The following EFCAB13 variants were observed in gnomAD, a reference collection of about 807,000 sequenced individuals.
EFCAB13 encodes EF-hand calcium-binding domain-containing protein 13.
In EFCAB13, 91 loss-of-function variants were observed where a neutral mutation model predicts 110.2. The observed-to-expected ratio is 0.83, with a 90% CI of 0.70 to 0.98. The LOEUF is 0.98. EFCAB13 is among the 50% of genes least tolerant of loss of function. The pLI is 0.00. For missense variants in EFCAB13, 968 were observed against 1,119.4 expected (o/e 0.86, Z 1.93); for synonymous variants, 323 against 369.9 (o/e 0.87, Z 1.45).
At chr17:47,341,868 A>G in intron 5 of EFCAB13, 53 bp from the exon 6 acceptor site, 1 of 1,079,098 alleles carries the variant, frequency 9.3e-7, no homozygotes, top group Non-Finnish European at 1.4e-6. Flanking sequence ...TAAAAGTTGA[A>G]AAGAATAAGT....
chr17:47,401,801 C>T (rs931825699), intron 17 of EFCAB13, among the ~76,000 whole-genome samples: 4 of 151,988 alleles, frequency 2.6e-5, no homozygotes, highest in Admixed American at 6.6e-5. Context: ...CATGCCACCA[C>T]ACCCGGCTAA....
intron 20 of EFCAB13, among the ~76,000 whole-genome samples, chr17:47,407,047 A>G (rs2065808677): frequency 6.6e-6 from 1 of 151,930 alleles, no homozygotes; most frequent in African/African-American, 2.4e-5. Flanking sequence ...TAAACATAAG[A>G]GGCTGTGATG....
intron 17 of EFCAB13, among the ~76,000 whole-genome samples, chr17:47,401,860 G>GGTCTT (rs1464388781): frequency 3.3e-5 from 5 of 151,720 alleles, no homozygotes; most frequent in African/African-American, 1.2e-4. Flanking sequence ...TGGTCAGGAT[G>GGTCTT]GTCTTGAACT....
chr17:47,373,845 G>A (rs2136752), intron 11 of EFCAB13, among the ~76,000 whole-genome samples: 9,953 of 152,024 alleles, frequency 0.065, 382 homozygotes, highest in East Asian at 0.17. Flanking sequence ...TTGCTGCTGC[G>A]TGACAGTCTC....
chr17:47,396,346 G>C (rs1214386714), intron 17 of EFCAB13, among the ~76,000 whole-genome samples: 1 of 151,744 alleles, frequency 6.6e-6, no homozygotes, highest in Admixed American at 6.6e-5. Flanking sequence ...CTGTTTTGTT[G>C]AAATAGGCTT....
intron 16 of EFCAB13, among the ~76,000 whole-genome samples, chr17:47,394,861 CAG>C (rs112106531): frequency 0.023 from 3,441 of 152,212 alleles, 106 homozygotes; most frequent in East Asian, 0.18. Flanking sequence ...TTTATTAGCA[CAG>C]AGTTATATAG....
At chr17:47,362,442 C>T (rs532060194) in intron 10 of EFCAB13, among the ~76,000 whole-genome samples, 27 of 152,216 alleles carry the variant, frequency 1.8e-4, no homozygotes, top group Non-Finnish European at 2.5e-4. Flanking sequence ...CGTGGTCTAG[C>T]GGTAGCGTCA....
intron 23 of EFCAB13, among the ~76,000 whole-genome samples, chr17:47,415,627 A>G (rs961297525): frequency 2.6e-5 from 4 of 152,178 alleles, no homozygotes; most frequent in African/African-American, 9.6e-5. Context: ...GGATCTATGA[A>G]TTAAATCATG....
chr17:47,394,540 T>A (rs1167910125), intron 16 of EFCAB13, among the ~76,000 whole-genome samples: 2 of 152,202 alleles, frequency 1.3e-5, no homozygotes, highest in Non-Finnish European at 2.9e-5. Flanking sequence ...AGGCTTTATG[T>A]TAAGCTGTAA....
intron 14 of EFCAB13, among the ~76,000 whole-genome samples, chr17:47,384,814 A>T (rs564858548): frequency 1.9e-4 from 29 of 151,404 alleles, no homozygotes; most frequent in African/African-American, 6.3e-4. Flanking sequence ...TCTGTTGCCC[A>T]GGCTGGAGTG....
chr17:47,335,138 A>G, intron 4 of EFCAB13, 58 bp from the exon 5 acceptor site: 2 of 1,447,716 alleles, frequency 1.4e-6, no homozygotes, highest in South Asian at 1.5e-5. Context: ...CCAGAATGTC[A>G]TATTTAATAT....
chr17:47,338,825 T>TCCC (rs2065367110), intron 5 of EFCAB13, among the ~76,000 whole-genome samples: 1 of 151,874 alleles, frequency 6.6e-6, no homozygotes, highest in East Asian at 1.9e-4. Flanking sequence ...GGGTATGAAT[T>TCCC]TGGGAGATTG....
chr17:47,344,087 A>G, intron 6 of EFCAB13, 75 bp from the exon 7 acceptor site: 1 of 1,469,612 alleles, frequency 6.8e-7, no homozygotes, highest in Non-Finnish European at 9.1e-7. Flanking sequence ...ATCTTTTAAG[A>G]GTTGTATCAT....
At chr17:47,325,964 C>CAT (rs1464102508) in intron 2 of EFCAB13, among the ~76,000 whole-genome samples, 7 of 63,230 alleles carry the variant, frequency 1.1e-4, no homozygotes, top group South Asian at 1.3e-3. Flanking sequence ...ATATATATAG[C>CAT]ATATATATAT....
intron 14 of EFCAB13, among the ~76,000 whole-genome samples, chr17:47,388,796 GGTGAATT>G (rs1449356574): frequency 6.6e-6 from 1 of 151,910 alleles, no homozygotes; most frequent in Non-Finnish European, 1.5e-5. Flanking sequence ...TAGTCTATAT[GGTGAATT>G]TATGTTTAAC....
chr17:47,368,329 C>G (rs1173393846), intron 10 of EFCAB13, among the ~76,000 whole-genome samples: 1 of 152,104 alleles, frequency 6.6e-6, no homozygotes, highest in Non-Finnish European at 1.5e-5. Context: ...TTGGAACATT[C>G]GTGTCTATTG....
intron 10 of EFCAB13, among the ~76,000 whole-genome samples, chr17:47,369,377 C>T (rs758881908): frequency 2.0e-5 from 3 of 152,128 alleles, no homozygotes; most frequent in Non-Finnish European, 2.9e-5. Context: ...ATTGGCAATA[C>T]AAGAAATTTC....
chr17:47,346,432 T>TTCC (rs1430949131), intron 8 of EFCAB13, among the ~76,000 whole-genome samples: 16 of 30,228 alleles, frequency 5.3e-4, no homozygotes, highest in East Asian at 1.9e-3. Context: ...TAACGTACTT[T>TTCC]ACCCCCCCCC....
chr17:47,331,209 C>T (rs1006264546), intron 4 of EFCAB13, among the ~76,000 whole-genome samples: 1 of 152,036 alleles, frequency 6.6e-6, no homozygotes, highest in African/African-American at 2.4e-5. Flanking sequence ...TATTTTCTCT[C>T]ATTCTGTTGG....
Sources: allele counts gnomAD v4.1 joint callset (sites outside exome capture counted in the v4.1 genomes callset), GRCh38; gene constraint gnomAD v4.1.1; transcripts MANE v1.5; gene names NCBI Gene and HGNC (gene_info 2026-07-23, HGNC 2026-07-21).